Variants in RELN observed in about 807,000 individuals in gnomAD.
RELN encodes reelin.
RELN carries 108 observed loss-of-function variants against 427.6 expected under a neutral mutation model. The ratio of observed to expected loss-of-function variants is 0.25; its 90% CI spans 0.22 to 0.30. The LOEUF is 0.30. RELN is among the 10% of genes least tolerant of loss of function. RELN has a pLI of 1.00. For synonymous variants in RELN, 1,524 were observed against 1,513.4 expected (o/e 1.01, Z -0.16); for missense variants, 3,715 against 4,302.8 (o/e 0.86, Z 3.82).
chr7:103,846,859 A>G (rs1270893496), intron 2 of RELN, among the ~76,000 whole-genome samples: 1 of 148,586 alleles, frequency 6.7e-6, no homozygotes, highest in East Asian at 2.1e-4. Context: ...TGCAAATCAA[A>G]GCCACAGTGC....
intron 1 of RELN, among the ~76,000 whole-genome samples, chr7:103,958,359 A>G (rs4727582): frequency 0.36 from 55,505 of 152,092 alleles, 10,525 homozygotes; most frequent in Non-Finnish European, 0.42. Context: ...TATTCCTGAA[A>G]CAGGAGTTAA....
At chr7:103,732,500 G>A (rs775082994) in intron 6 of RELN, among the ~76,000 whole-genome samples, 63 of 151,992 alleles carry the variant, frequency 4.1e-4, no homozygotes, top group Non-Finnish European at 7.6e-4. Flanking sequence ...ATGATAAAGG[G>A]AAAGATAAAT....
At chr7:103,645,961 G>A (rs568930992) in intron 16 of RELN, among the ~76,000 whole-genome samples, 1 of 151,796 alleles carries the variant, frequency 6.6e-6, no homozygotes, top group African/African-American at 2.4e-5. Context: ...AATAAAACTA[G>A]AAATTAATTC....
chr7:103,540,104 T>A (rs753180536), intron 44 of RELN, 93 bp downstream of exon 44: 3 of 1,421,016 alleles, frequency 2.1e-6, no homozygotes, highest in Non-Finnish European at 3.0e-6. Context: ...CTGGGTTTCA[T>A]CTACTGAGCA....
intron 60 of RELN, among the ~76,000 whole-genome samples, chr7:103,488,888 G>A (rs1268894732): frequency 6.6e-6 from 1 of 152,212 alleles, no homozygotes; most frequent in Non-Finnish European, 1.5e-5. Flanking sequence ...ATAAGTTGGT[G>A]TATACTATGT....
At chr7:103,503,888 T>C (rs533038915) in intron 51 of RELN, among the ~76,000 whole-genome samples, 30 of 138,190 alleles carry the variant, frequency 2.2e-4, no homozygotes, top group Admixed American at 9.2e-4. Context: ...ATCCAAATGT[T>C]CTTGTAAAAA....
At chr7:103,707,991 T>C (rs899119714) in intron 8 of RELN, among the ~76,000 whole-genome samples, 5 of 152,248 alleles carry the variant, frequency 3.3e-5, no homozygotes, top group African/African-American at 1.2e-4. Flanking sequence ...TTGCTTCCTT[T>C]TAATGTTGGA....
chr7:103,947,780 T>G (rs1361944824), intron 1 of RELN, among the ~76,000 whole-genome samples: 3 of 152,204 alleles, frequency 2.0e-5, no homozygotes, highest in Non-Finnish European at 2.9e-5. Context: ...GCAATCTGAC[T>G]CTAGTGCATA....
chr7:103,874,191 T>C (rs1470653039), intron 2 of RELN, among the ~76,000 whole-genome samples: 1 of 127,578 alleles, frequency 7.8e-6, no homozygotes, highest in Non-Finnish European at 1.7e-5. Context: ...AAATTAGGTA[T>C]TGATGGGATG....
At chr7:103,652,185 A>G (rs980307925) in intron 14 of RELN, among the ~76,000 whole-genome samples, 7 of 151,576 alleles carry the variant, frequency 4.6e-5, no homozygotes, top group South Asian at 2.1e-4. Flanking sequence ...TTGACATGCT[A>G]ATTGATTTCC....
At chr7:103,778,994 C>G (rs549391205) in intron 3 of RELN, among the ~76,000 whole-genome samples, 2 of 152,318 alleles carry the variant, frequency 1.3e-5, no homozygotes, top group Admixed American at 6.5e-5. Flanking sequence ...CTAATTCTTA[C>G]AGTATATGGA....
rs1355509644 is a variant in RELN at position 103,630,052 on chromosome 7, C to T, written c.2590G>A (p.Val864Met). The change falls in exon 20 of 65, where the codon GTG (valine) becomes ATG (methionine). Residue 864 changes from valine to methionine, a missense_variant. By Grantham distance (21) the Val-to-Met change is conservative. Around this residue, in one of 4 missense-constraint regions of RELN, gnomAD observed 2,208 missense variants for 2,361.7 expected, o/e 0.93. Transcript: ENST00000428762. ...TCAAGACTAATGCTGTTGAAAAGCA[C>T]AGATGTCATGATAATCTCATCAATA... ...WAIDEIIMTS[V>M]LFNSISLDFT... 3 of 1,613,198 alleles carry T rather than the reference C, an allele frequency of 1.9e-6. No homozygotes were observed. Among genetic ancestry groups the T allele is most frequent in the African/African-American group, 2.7e-5 (2 of 74,886 alleles).
chr7:103,557,017 G>A lies in RELN; in HGVS notation c.5757C>T (p.Thr1919=). 6.2e-7 allele frequency: 1 copy of A among 1,613,776 alleles called. No homozygotes were observed. Among genetic ancestry groups the A allele is most frequent in the Non-Finnish European group, 8.5e-7 (1 of 1,179,680 alleles). The change falls in exon 38 of 65, where the codon ACC becomes ACT. Residue 1919 remains threonine, a synonymous_variant. Transcript: ENST00000428762. The part of the protein sequence containing the change: ...INVPLPYTAQ[T]NATRFRLWQP... ...GCCAGAGTCTGAATCTTGTAGCATT[G>A]GTTTGGGCAGTGTATGGCAAGGGAA...
intron 13 of RELN, 136 bp from the exon 14 acceptor site, chr7:103,652,895 C>T: frequency 2.6e-6 from 2 of 761,784 alleles, no homozygotes; most frequent in South Asian, 1.5e-5. Flanking sequence ...CTTTGTGTTG[C>T]ATTTGTTATT....
intron 1 of RELN, among the ~76,000 whole-genome samples, chr7:103,920,909 A>G (rs1795603627): frequency 6.6e-6 from 1 of 152,126 alleles, no homozygotes; most frequent in African/African-American, 2.4e-5. Flanking sequence ...TTTAGAAAAC[A>G]TTTATATTAA....
At chr7:103,483,968 C>T (rs1469800564) in intron 61 of RELN, 118 bp from the exon 62 acceptor site, 3 of 1,020,116 alleles carry the variant, frequency 2.9e-6, no homozygotes. Context: ...CAACGTCTGC[C>T]TACTGGGTTC....
intron 11 of RELN, among the ~76,000 whole-genome samples, chr7:103,662,494 T>C (rs543720973): frequency 4.3e-4 from 65 of 151,998 alleles, no homozygotes; most frequent in Non-Finnish European, 7.2e-4. Flanking sequence ...TGGTGGTGCA[T>C]GGCTGTAGTC....
At chr7:103,816,475 CCCAA>C (rs1792872147) in intron 3 of RELN, among the ~76,000 whole-genome samples, 1 of 151,348 alleles carries the variant, frequency 6.6e-6, no homozygotes, top group African/African-American at 2.4e-5. Flanking sequence ...CACAGTATCT[CCCAA>C]AAGAAAACAA....
At chr7:103,658,064 TAAAC>T (rs1183193672) in intron 12 of RELN, among the ~76,000 whole-genome samples, 5 of 152,212 alleles carry the variant, frequency 3.3e-5, no homozygotes, top group African/African-American at 1.2e-4. Context: ...GGAGGAACAA[TAAAC>T]AAATACACGA....
Sources: allele counts gnomAD v4.1 joint callset (sites outside exome capture counted in the v4.1 genomes callset), GRCh38; gene constraint gnomAD v4.1.1; regional missense constraint gnomAD v4.1.1; transcripts MANE v1.5; gene names NCBI Gene and HGNC (gene_info 2026-07-23, HGNC 2026-07-21).